ST6GALNAC2: variants seen among roughly 807,000 people sequenced by gnomAD.
ST6GALNAC2 encodes ST6 N-acetylgalactosaminide alpha-2,6-sialyltransferase 2.
A neutral mutation model predicts 38.7 loss-of-function variants in ST6GALNAC2; 42 were observed. That is an observed-to-expected ratio of 1.09 (90% CI 0.85 to 1.40). ST6GALNAC2 has a LOEUF of 1.40. Among genes scored for constraint, ST6GALNAC2 ranks in the 40% most tolerant of loss-of-function variants. ST6GALNAC2 has a pLI of 0.00. For missense variants in ST6GALNAC2, 506 were observed against 481.7 expected (o/e 1.05, Z -0.47); for synonymous variants, 233 against 209.0 (o/e 1.11, Z -0.99).
In ST6GALNAC2 at chr17:76,573,307, G is replaced by A. The variant is rs1449055625; in HGVS notation, c.418C>T (p.Pro140Ser). ...CACTTTGGAGGGGTGTCCCTGGGCG[G>A]GGCAAACAGCTTGGCACTCTCTGAG... ...NGSESAKLFA[P>S]PRDTPPKCIR... Residue 140 changes from proline to serine, a missense_variant, in exon 4 of 9, where the codon CCG (proline) becomes TCG (serine). Coordinates refer to ENST00000225276, the MANE Select transcript of ST6GALNAC2 (RefSeq NM_006456.3). This position sits in a 1 kb window ranked among gnomAD's most constrained non-coding sequence, Gnocchi z 5.1. The A allele has an allele frequency of 1.9e-6, 3 of 1,592,482 alleles. No individual in the cohort carries two copies. The highest frequency in any genetic ancestry group is 1.8e-5 in the Admixed American group (1 of 56,514).
intron 2 of ST6GALNAC2, among the ~76,000 whole-genome samples, chr17:76,577,628 T>C (rs937589930): frequency 2.1e-5 from 3 of 145,156 alleles, no homozygotes; most frequent in Non-Finnish European, 4.5e-5. Context: ...CACGGTGGAG[T>C]GCAGTGGCAC....
At chr17:76,568,686 C>T in intron 7 of ST6GALNAC2, 27 bp downstream of exon 7, 4 of 1,612,224 alleles carry the variant, frequency 2.5e-6, no homozygotes, top group Non-Finnish European at 3.4e-6. Flanking sequence ...GAAGGGGACG[C>T]TGTTCTTCAG....
Position 76,574,441 on chromosome 17 carries a change from G to GT in ST6GALNAC2, c.284dup (p.Asp95GlufsTer79). 6.2e-7 allele frequency: 1 copy of GT among 1,613,914 alleles called. No individual in the cohort carries two copies. The highest frequency in any genetic ancestry group is 1.1e-5 in the South Asian group (1 of 91,078). ...GGTCCCAGAGCGCTGGGGTGAAGAG[G>GT]TCCCCCCACAGCAGCACTGGAATGG... is the stretch of plus-strand genomic sequence containing the variant. On this transcript the variant is annotated frameshift_variant, in exon 3 of 9. Coordinates refer to ENST00000225276, the MANE Select transcript of ST6GALNAC2 (RefSeq NM_006456.3). LOFTEE classifies it high-confidence loss of function.
intron 7 of ST6GALNAC2, chr17:76,567,926 A>C: frequency 3.7e-6 from 1 of 267,340 alleles, no homozygotes; most frequent in Non-Finnish European, 7.4e-6. Context: ...AGACCCTGTG[A>C]CCGGACCCAC....
intron 6 of ST6GALNAC2, chr17:76,569,487 A>AT (rs948082895): frequency 2.1e-5 from 1 of 47,882 alleles, no homozygotes; most frequent in African/African-American, 1.2e-4. Context: ...GCTGTGAGGC[A>AT]TTTGGGGTGG....
intron 1 of ST6GALNAC2, among the ~76,000 whole-genome samples, chr17:76,580,616 A>G (rs1008706518): frequency 2.6e-5 from 4 of 151,914 alleles, no homozygotes; most frequent in African/African-American, 9.7e-5. Context: ...GCTACTCGGG[A>G]GGCTGAGGCA....
chr17:76,584,845 C>T (rs901890654), intron 1 of ST6GALNAC2, among the ~76,000 whole-genome samples: 7 of 152,248 alleles, frequency 4.6e-5, no homozygotes, highest in African/African-American at 7.2e-5. Context: ...GGGCTGGAGG[C>T]CTCTCCCTGA....
Position 76,585,591 on chromosome 17 carries a change from G to A in ST6GALNAC2, c.125+93C>T, listed in dbSNP as rs545959101. ...GGGGTCCACGCGGAGGTTGGGCTGAGGGCTGCGGGCCGCCGGGGAGCCCTG... is the reference window on the plus strand; with the variant it reads ...GGGGTCCACGCGGAGGTTGGGCTGAAGGCTGCGGGCCGCCGGGGAGCCCTG... On this transcript the variant is annotated intron_variant, in intron 1 of 8. Transcript: ENST00000225276. The A allele has an allele frequency of 9.5e-6, 13 of 1,370,560 alleles. No individual in the cohort carries two copies. The African/African-American group carries it at 1.7e-4, about 18-fold the overall frequency. The allele number at this position is 1,370,560 out of a possible 1,614,324, so 84.9% of individuals were successfully genotyped here. A position where few individuals can be genotyped will look rare whatever the true frequency, so the allele number is the denominator to read the frequency against.
chr17:76,572,775 T>A lies in ST6GALNAC2; in HGVS notation c.531A>T (p.Arg177Ser). 1 of 1,613,952 alleles carries A rather than the reference T, an allele frequency of 6.2e-7. No homozygotes were observed. Among genetic ancestry groups the A allele is most frequent in the Non-Finnish European group, 8.5e-7 (1 of 1,179,986 alleles). ...PNIDAHDYVF[R>S]LNGAVIKGFE... ...AGCCTTTGATCACAGCTCCATTGAG[T>A]CTGGTTGGCACAGAGGCCCATCAGT... is the stretch of plus-strand genomic sequence containing the variant. The change falls in exon 5 of 9, where the codon AGA becomes AGT. Residue 177 changes from arginine to serine, a missense_variant and splice_region_variant. By Grantham distance (110) the Arg-to-Ser change is moderately radical. Transcript: ENST00000225276.
At chr17:76,579,547 C>A (rs1055419974) in intron 1 of ST6GALNAC2, among the ~76,000 whole-genome samples, 8 of 152,206 alleles carry the variant, frequency 5.3e-5, no homozygotes, top group Non-Finnish European at 1.2e-4. Context: ...GGTTATGGCT[C>A]TTGCTATGGT....
rs1567926678 is a variant in ST6GALNAC2, at chr17:76,568,707, C to T, written c.857+6G>A. ...GACGCTGTTCTTCAGGCACCCCACT[C>T]CGTACCTTTCTGTCAGGTAGCTGAT... On this transcript the variant is annotated splice_donor_region_variant and intron_variant, in intron 7 of 8. Transcript: ENST00000225276. 3 of 1,613,696 alleles carry T rather than the reference C, an allele frequency of 1.9e-6. No homozygotes were observed. Among genetic ancestry groups the T allele is most frequent in the Non-Finnish European group, 2.5e-6 (3 of 1,179,960 alleles).
chr17:76,568,342 G>A (rs1452870890), intron 7 of ST6GALNAC2: 4 of 259,814 alleles, frequency 1.5e-5, no homozygotes, highest in East Asian at 9.1e-5. Context: ...GCTGGTCCCC[G>A]GGTTCCTTCC....
chr17:76,585,776 C>T lies in ST6GALNAC2; in HGVS notation c.33G>A (p.Leu11=). The T allele has an allele frequency of 6.4e-7, 1 of 1,555,652 alleles. No homozygotes were observed. Among genetic ancestry groups the T allele is most frequent in the African/African-American group, 1.4e-5 (1 of 72,246 alleles). The change falls in exon 1 of 9, where the codon CTG becomes CTA. Residue 11 remains leucine, a synonymous_variant. Transcript: ENST00000225276. MGLPRGSFFW[L]LLLLTAACSG... Reference sequence around the variant, plus strand: ...AGCAGGCAGCCGTGAGCAGGAGCAGCAGCCAGAAGAACGACCCGCGCGGGA... The same window carrying T: ...AGCAGGCAGCCGTGAGCAGGAGCAGTAGCCAGAAGAACGACCCGCGCGGGA...
At chr17:76,575,373 A>G (rs2075404038) in intron 2 of ST6GALNAC2, among the ~76,000 whole-genome samples, 1 of 152,110 alleles carries the variant, frequency 6.6e-6, no homozygotes, top group Admixed American at 6.5e-5. Flanking sequence ...CCTTAGTTGG[A>G]ACTAGGGTCT....
rs1435101601 is a variant in ST6GALNAC2 at position 76,573,007 on chromosome 17, C to T, written c.530+188G>A. 6.6e-6 allele frequency among the ~76,000 whole-genome samples: 1 copy of T among 152,200 alleles called. No homozygotes were observed. Reference sequence around the variant, plus strand: ...TGGCGGCTGCTTCCTCCTGGGTCCCCTGCATGGGCACCCATGCTCCGTCCT... The same window carrying T: ...TGGCGGCTGCTTCCTCCTGGGTCCCTTGCATGGGCACCCATGCTCCGTCCT... On this transcript the variant is annotated intron_variant, in intron 4 of 8. Coordinates refer to ENST00000225276, the MANE Select transcript of ST6GALNAC2 (RefSeq NM_006456.3). The surrounding 1 kb of genome is among the most constrained non-coding windows in gnomAD (Gnocchi z 5.1).
At chr17:76,567,379 T>C in intron 8 of ST6GALNAC2, 74 bp downstream of exon 8, 1 of 1,075,774 alleles carries the variant, frequency 9.3e-7, no homozygotes, top group African/African-American at 1.6e-5. Context: ...AGGTAAGGGA[T>C]ATCAGGGGAT....
chr17:76,580,343 G>A (rs71384118), intron 1 of ST6GALNAC2, among the ~76,000 whole-genome samples: 5,205 of 152,156 alleles, frequency 0.034, 140 homozygotes, highest in East Asian at 0.13. Flanking sequence ...GCTTGAAACC[G>A]GAAGGTGGAG....
rs148228082 is a variant in ST6GALNAC2, at chr17:76,566,064, C to T, written c.*40G>A. The T allele has an allele frequency of 4.4e-3, 6,990 of 1,586,188 alleles. 18 individuals carry two copies. The highest frequency in any genetic ancestry group is 5.3e-3 in the Non-Finnish European group (6,145 of 1,165,848). ...TTTTGGCCACTTGAGAGGATCAGGGCCGCAACTCTTGAAGAAGCAAAGGGC... is the reference window on the plus strand; with the variant it reads ...TTTTGGCCACTTGAGAGGATCAGGGTCGCAACTCTTGAAGAAGCAAAGGGC... On this transcript the variant is annotated 3_prime_UTR_variant, in exon 9 of 9. Transcript: ENST00000225276.
chr17:76,584,254 G>A (rs1485281835), intron 1 of ST6GALNAC2, among the ~76,000 whole-genome samples: 5 of 147,832 alleles, frequency 3.4e-5, no homozygotes, highest in African/African-American at 1.0e-4. Flanking sequence ...GTGCAGTGGC[G>A]CGATCACAGC....
Sources: gnomAD v4.1 joint callset for allele counts (sites outside exome capture counted in the v4.1 genomes callset) on GRCh38, gnomAD v4.1.1 for gene constraint, Gnocchi (gnomAD v3.1) non-coding constraint, MANE v1.5 for transcripts, NCBI Gene and HGNC (gene_info 2026-07-23, HGNC 2026-07-21) for gene names.